The following CASR variants were observed in gnomAD, a reference collection of about 807,000 sequenced individuals.
CASR encodes the protein extracellular calcium-sensing receptor.
CASR carries 23 observed loss-of-function variants against 69.1 expected under a neutral mutation model. The ratio of observed to expected loss-of-function variants is 0.33; its 90% CI spans 0.24 to 0.47. The LOEUF is 0.47. Among genes scored for constraint, CASR ranks in the 20% least tolerant of loss-of-function variants. The pLI is 1.00. For synonymous variants in CASR, 541 were observed against 544.7 expected (o/e 0.99, Z 0.10); for missense variants, 924 against 1,356.1 (o/e 0.68, Z 5.00).
intron 1 of CASR, chr3:122,246,427 C>A (rs1167903248): frequency 6.6e-6 from 1 of 152,148 alleles, no homozygotes. Context: ...AAAATGCATG[C>A]TTTTGGTTTC....
chr3:122,251,888 G>A (rs2074487895), intron 1 of CASR, among the ~76,000 whole-genome samples: 1 of 152,240 alleles, frequency 6.6e-6, no homozygotes, highest in Admixed American at 6.5e-5. Context: ...TGAATCCAGA[G>A]CCTGTGCTCC....
chr3:122,229,659 C>T (rs951767020), intron 1 of CASR, among the ~76,000 whole-genome samples: 1 of 152,116 alleles, frequency 6.6e-6, no homozygotes, highest in African/African-American at 2.4e-5. Context: ...GCCAGAAGTT[C>T]GAGACCAGCC....
chr3:122,252,656 AG>A (rs1391699400), intron 1 of CASR, among the ~76,000 whole-genome samples: 1 of 152,058 alleles, frequency 6.6e-6, no homozygotes, highest in Non-Finnish European at 1.5e-5. Flanking sequence ...TACAGGGCTT[AG>A]GGATTGTGTA....
chr3:122,250,579 A>G (rs1454274742), intron 1 of CASR, among the ~76,000 whole-genome samples: 2 of 152,224 alleles, frequency 1.3e-5, no homozygotes, highest in Admixed American at 1.3e-4. Flanking sequence ...AGCTGAATAT[A>G]CAAAGAATCT....
chr3:122,218,010 T>A (rs1369121216), intron 1 of CASR, among the ~76,000 whole-genome samples: 1 of 152,042 alleles, frequency 6.6e-6, no homozygotes, highest in East Asian at 1.9e-4. Flanking sequence ...TTGCAGACCC[T>A]GTTAAGAATT....
chr3:122,254,483 T>C (rs1442086878), intron 2 of CASR, 109 bp downstream of exon 2: 12 of 1,098,480 alleles, frequency 1.1e-5, no homozygotes, highest in African/African-American at 9.3e-5. Flanking sequence ...TTTTCAAGAA[T>C]AGTGATTGAT....
At chr3:122,252,409 A>AAAAGAAAAGAAAGAAAGAAAG (rs1553765629) in intron 1 of CASR, among the ~76,000 whole-genome samples, 1 of 6,482 alleles carries the variant, frequency 1.5e-4, no homozygotes, top group African/African-American at 5.8e-4. Context: ...GAAGGAAGGA[A>AAAAGAAAAGAAAGAAAGAAAG]AAAGAAAGAA....
chr3:122,211,312 T>C (rs930705561), intron 1 of CASR, among the ~76,000 whole-genome samples: 2 of 152,096 alleles, frequency 1.3e-5, no homozygotes, highest in African/African-American at 4.8e-5. Context: ...ACTTACAGAA[T>C]GGGAGAAAAC....
intron 1 of CASR, among the ~76,000 whole-genome samples, chr3:122,203,389 A>G (rs1179905038): frequency 6.6e-6 from 1 of 152,168 alleles, no homozygotes; most frequent in Non-Finnish European, 1.5e-5. Context: ...CCAAACCTAG[A>G]TGGTATAGCC....
At chr3:122,209,914 G>A (rs996264790) in intron 1 of CASR, among the ~76,000 whole-genome samples, 1 of 152,148 alleles carries the variant, frequency 6.6e-6, no homozygotes, top group Non-Finnish European at 1.5e-5. Context: ...TCATCCCCAG[G>A]ATGCAAGGCT....
At chr3:122,205,615 C>T (rs1451442164) in intron 1 of CASR, among the ~76,000 whole-genome samples, 1 of 151,778 alleles carries the variant, frequency 6.6e-6, no homozygotes, top group African/African-American at 2.4e-5. Context: ...TGTCATTGGT[C>T]CTTTGATAGG....
chr3:122,279,103 A>C (rs974466669), intron 5 of CASR, among the ~76,000 whole-genome samples: 1 of 152,284 alleles, frequency 6.6e-6, no homozygotes, highest in East Asian at 1.9e-4. Flanking sequence ...TCTCTTCTTC[A>C]TCCCTTCCTC....
At chr3:122,257,708 T>C (rs986888453) in intron 3 of CASR, 36 of 244,844 alleles carry the variant, frequency 1.5e-4, no homozygotes, top group African/African-American at 7.2e-4. Flanking sequence ...CTACTTTTAC[T>C]AAAAGGAATC....
intron 5 of CASR, among the ~76,000 whole-genome samples, chr3:122,279,435 T>C (rs2074861402): frequency 6.6e-6 from 1 of 152,140 alleles, no homozygotes; most frequent in Admixed American, 6.5e-5. Context: ...ACAATATTGT[T>C]TGTATACGTA....
intron 1 of CASR, among the ~76,000 whole-genome samples, chr3:122,214,092 C>T (rs1472381484): frequency 6.6e-6 from 1 of 152,198 alleles, no homozygotes; most frequent in Non-Finnish European, 1.5e-5. Flanking sequence ...CTCTTTGTCT[C>T]TTTGTCCTGC....
intron 1 of CASR, among the ~76,000 whole-genome samples, chr3:122,224,309 A>G (rs1317967740): frequency 6.6e-6 from 1 of 152,246 alleles, no homozygotes; most frequent in Non-Finnish European, 1.5e-5. Context: ...ACTCTGCAAA[A>G]AGGCTCAGAG....
At chr3:122,199,315 T>G (rs1316162379) in intron 1 of CASR, among the ~76,000 whole-genome samples, 1 of 152,218 alleles carries the variant, frequency 6.6e-6, no homozygotes, top group Non-Finnish European at 1.5e-5. Flanking sequence ...GAGAAGTGCT[T>G]ATTATATAGT....
intron 1 of CASR, among the ~76,000 whole-genome samples, chr3:122,205,328 G>A (rs1469600473): frequency 6.6e-6 from 1 of 152,066 alleles, no homozygotes; most frequent in African/African-American, 2.4e-5. Context: ...ACTTATTGAA[G>A]AGACTATGAT....
chr3:122,280,501 G>C (rs1271691771), intron 5 of CASR, among the ~76,000 whole-genome samples: 1 of 152,204 alleles, frequency 6.6e-6, no homozygotes, highest in African/African-American at 2.4e-5. Flanking sequence ...GATCAAATGG[G>C]TTGGCAACTC....
Sources: allele counts gnomAD v4.1 joint callset (sites outside exome capture counted in the v4.1 genomes callset), GRCh38; gene constraint gnomAD v4.1.1; transcripts MANE v1.5; gene names NCBI Gene and HGNC (gene_info 2026-07-23, HGNC 2026-07-21).